Variants in KDM4C observed in about 807,000 individuals in gnomAD.
KDM4C encodes lysine demethylase 4C, also known as lysine-specific demethylase 4C.
KDM4C carries 81 observed loss-of-function variants against 129.3 expected under a neutral mutation model. The observed-to-expected ratio is 0.63, with a 90% CI of 0.52 to 0.75. KDM4C has a LOEUF of 0.75. KDM4C is among the 30% of genes least tolerant of loss of function. KDM4C has a pLI of 0.00. For missense variants in KDM4C, 1,457 were observed against 1,304.0 expected (o/e 1.12, Z -1.81); for synonymous variants, 573 against 456.1 (o/e 1.26, Z -3.26).
intron 19 of KDM4C, among the ~76,000 whole-genome samples, chr9:7,130,278 C>T (rs1347706074): frequency 6.6e-6 from 1 of 152,186 alleles, no homozygotes; most frequent in African/African-American, 2.4e-5. Context: ...GGTCTTTAGC[C>T]ATGATAGGAA....
intron 1 of KDM4C, among the ~76,000 whole-genome samples, chr9:6,732,703 A>C (rs1817391411): frequency 6.6e-6 from 1 of 152,216 alleles, no homozygotes; most frequent in Admixed American, 6.5e-5. Context: ...AAAATGGCAG[A>C]GACCAAAAGA....
intron 17 of KDM4C, among the ~76,000 whole-genome samples, chr9:7,051,690 G>A (rs1209086693): frequency 6.6e-6 from 1 of 151,928 alleles, no homozygotes; most frequent in Admixed American, 6.6e-5. Flanking sequence ...ATTTTTTTCT[G>A]GAGCTGTGGG....
intron 8 of KDM4C, among the ~76,000 whole-genome samples, chr9:6,978,380 G>A (rs1020924452): frequency 7.1e-6 from 1 of 141,674 alleles, no homozygotes; most frequent in African/African-American, 2.5e-5. Context: ...TACCATTACT[G>A]AGATTGTAAT....
intron 2 of KDM4C, among the ~76,000 whole-genome samples, chr9:6,795,613 T>A (rs1827584582): frequency 6.6e-6 from 1 of 152,166 alleles, no homozygotes; most frequent in Non-Finnish European, 1.5e-5. Flanking sequence ...ATTATAGGCA[T>A]GAGCCACCGT....
At chr9:6,744,147 C>T (rs1409176288) in intron 1 of KDM4C, among the ~76,000 whole-genome samples, 1 of 152,044 alleles carries the variant, frequency 6.6e-6, no homozygotes, top group Non-Finnish European at 1.5e-5. Flanking sequence ...ACTTCTGGAG[C>T]CTCAATAGCA....
At position 7,045,985 on chromosome 9, in the gene KDM4C, T is replaced by C. The variant is rs185171695; in HGVS notation, c.2260-877T>C. 1.8e-4 allele frequency among the ~76,000 whole-genome samples: 27 copies of C among 152,124 alleles called. 1 individual carries two copies. The highest frequency in any genetic ancestry group is 1.3e-3 in the Admixed American group (20 of 15,262). ...GGGTAAAGAGGTTTCGTATATAAAC[T>C]TTGGAGGAAAAAACTCCAAATAACT... On this transcript the variant is annotated intron_variant, in intron 15 of 21. Coordinates refer to ENST00000381309, the MANE Select transcript of KDM4C (RefSeq NM_015061.6).
chr9:7,086,728 C>T (rs191104129), intron 17 of KDM4C, among the ~76,000 whole-genome samples: 5 of 152,284 alleles, frequency 3.3e-5, no homozygotes, highest in South Asian at 2.1e-4. Flanking sequence ...ATCATCTGGC[C>T]GGGGTCTTCC....
intron 4 of KDM4C, among the ~76,000 whole-genome samples, chr9:6,845,975 G>T (rs1043595985): frequency 1.3e-5 from 2 of 152,210 alleles, no homozygotes; most frequent in African/African-American, 2.4e-5. Flanking sequence ...GTGTGTAGCT[G>T]GGGTTTGGAG....
intron 16 of KDM4C, among the ~76,000 whole-genome samples, chr9:7,048,503 A>G (rs1829721504): frequency 6.6e-6 from 1 of 152,248 alleles, no homozygotes; most frequent in Non-Finnish European, 1.5e-5. Flanking sequence ...CAGAAAGTGA[A>G]AAAAGTAGGA....
intron 1 of KDM4C, among the ~76,000 whole-genome samples, chr9:6,762,644 A>T (rs954375961): frequency 3.4e-5 from 5 of 147,772 alleles, no homozygotes; most frequent in African/African-American, 9.8e-5. Flanking sequence ...TATATAATAT[A>T]ATATATTAGG....
chr9:6,856,614 C>G (rs1839893613), intron 5 of KDM4C, among the ~76,000 whole-genome samples: 1 of 150,386 alleles, frequency 6.6e-6, no homozygotes, highest in South Asian at 2.1e-4. Flanking sequence ...CACTCTGTTT[C>G]CCGGGCTGAA....
chr9:6,898,602 T>A (rs1816846072), intron 8 of KDM4C, among the ~76,000 whole-genome samples: 1 of 152,210 alleles, frequency 6.6e-6, no homozygotes, highest in Admixed American at 6.5e-5. Flanking sequence ...ATTTTGATAC[T>A]TGAATCCTCA....
chr9:6,791,833 A>C (rs1245844228), intron 1 of KDM4C, among the ~76,000 whole-genome samples: 1 of 151,170 alleles, frequency 6.6e-6, no homozygotes, highest in Admixed American at 6.6e-5. Context: ...GACCGGCCTG[A>C]CCAACATGGA....
chr9:7,060,446 GTATTGTTGTTATTATTATTAT>G (rs955372369), intron 17 of KDM4C, among the ~76,000 whole-genome samples: 3 of 133,734 alleles, frequency 2.2e-5, no homozygotes, highest in African/African-American at 8.1e-5. Flanking sequence ...CTTTTTAGCA[GTATTGTTGTTATTATTATTAT>G]TATTATTATT....
rs112484110 is a variant in KDM4C at position 6,766,769 on chromosome 9, T to C, written c.-18+8566T>C. ...AGCTGATGGGTAGTGCTGAACAGGA[T>C]TTTTTTTTTTTTTAACCTGCTGGGC... On this transcript the variant is annotated intron_variant, in intron 1 of 21. Coordinates refer to ENST00000381309, the MANE Select transcript of KDM4C (RefSeq NM_015061.6). Among the ~76,000 whole-genome samples the C allele has an allele frequency of 2.3e-3, 324 of 138,018 alleles. 1 individual carries two copies. The highest frequency in any genetic ancestry group is 8.8e-3 in the African/African-American group (315 of 35,794). The allele number at this position is 138,018 out of a possible 152,430, so 90.5% of individuals were successfully genotyped here. A position where few individuals can be genotyped will look rare whatever the true frequency, so the allele number is the denominator to read the frequency against.
At chr9:7,141,023 G>C (rs1401718382) in intron 19 of KDM4C, among the ~76,000 whole-genome samples, 2 of 152,214 alleles carry the variant, frequency 1.3e-5, no homozygotes, top group Non-Finnish European at 1.5e-5. Context: ...AGAAGGAAAG[G>C]GCCAGACTGG....
chr9:7,131,944 A>G (rs574547253), intron 19 of KDM4C, among the ~76,000 whole-genome samples: 10 of 152,074 alleles, frequency 6.6e-5, no homozygotes, highest in Admixed American at 1.3e-4. Flanking sequence ...TTGTCCAAAA[A>G]CTCTCTAATC....
At chr9:6,856,582 AT>A (rs367680825) in intron 5 of KDM4C, among the ~76,000 whole-genome samples, 3 of 78,230 alleles carry the variant, frequency 3.8e-5, no homozygotes, top group Admixed American at 1.3e-4. Context: ...GTGTGTGTGT[AT>A]TTTTTTTTGA....
chr9:6,747,077 C>T (rs1441736340), intron 1 of KDM4C, among the ~76,000 whole-genome samples: 1 of 149,888 alleles, frequency 6.7e-6, no homozygotes, highest in African/African-American at 2.5e-5. Flanking sequence ...CTTCTGGTTC[C>T]AGCTATTCAG....
Sources: gnomAD v4.1 joint callset for allele counts (sites outside exome capture counted in the v4.1 genomes callset) on GRCh38, gnomAD v4.1.1 for gene constraint, MANE v1.5 for transcripts, NCBI Gene and HGNC (gene_info 2026-07-23, HGNC 2026-07-21) for gene names.